Variants in PALM2AKAP2 observed in about 807,000 individuals in gnomAD.
PALM2AKAP2 encodes PALM2 and AKAP2 fusion.
Under a neutral mutation model 71.5 loss-of-function variants are expected in PALM2AKAP2, and 37 were observed. That is an observed-to-expected ratio of 0.52 (90% CI 0.40 to 0.68). The LOEUF (loss-of-function observed/expected upper bound fraction) is 0.68, where lower values mean the gene tolerates loss of function less well. Among genes scored for constraint, PALM2AKAP2 ranks in the 30% least tolerant of loss-of-function variants. PALM2AKAP2 has a pLI of 0.00. For synonymous variants in PALM2AKAP2, 468 were observed against 478.8 expected, an observed-to-expected ratio of 0.98 and a Z score of 0.29; for missense variants, 1,224 against 1,191.8, an observed-to-expected ratio of 1.03 and a Z score of -0.40.
At chr9:109,901,537 CA>C (rs1830330925) in intron 3 of PALM2AKAP2, among the ~76,000 whole-genome samples, 1 of 152,182 alleles carries the variant, frequency 6.6e-6, no homozygotes, top group South Asian at 2.1e-4. Flanking sequence ...GGCCTAACCA[CA>C]GAAGCAGTTC....
intron 3 of PALM2AKAP2, among the ~76,000 whole-genome samples, chr9:110,163,438 T>C (rs1011471289): frequency 6.6e-6 from 1 of 152,240 alleles, no homozygotes; most frequent in African/African-American, 2.4e-5. Context: ...TAAAAGAAAT[T>C]AGTATTGCAA....
At chr9:109,772,416 AAAG>A (rs1293034034) in intron 1 of PALM2AKAP2, among the ~76,000 whole-genome samples, 2 of 152,218 alleles carry the variant, frequency 1.3e-5, no homozygotes, top group Non-Finnish European at 1.5e-5. Context: ...ATGAATGCAG[AAAG>A]AAGAACACAT....
chr9:109,726,871 G>A (rs1384056302), intron 1 of PALM2AKAP2, among the ~76,000 whole-genome samples: 1 of 152,152 alleles, frequency 6.6e-6, no homozygotes, highest in Non-Finnish European at 1.5e-5. Flanking sequence ...CATATTTCAA[G>A]TGTTGAAAAC....
intron 6 of PALM2AKAP2, among the ~76,000 whole-genome samples, chr9:109,974,432 C>T (rs75712928): frequency 6.6e-6 from 1 of 151,916 alleles, no homozygotes; most frequent in African/African-American, 2.4e-5. Context: ...GCCTTACCTA[C>T]ACTCAGAGCC....
At position 109,795,451 on chromosome 9, in the gene PALM2AKAP2, C is replaced by T. The variant is rs538749950; in HGVS notation, c.45+14918C>T. The stretch of plus-strand genomic sequence containing the variant: ...ATTTAACTAACCTGCACGTTGTGCA[C>T]GTGTACCCTAAAACTTAAAGTATAA... On this transcript the variant is annotated intron_variant, in intron 1 of 9. Transcript: ENST00000302798. 4.6e-5 allele frequency among the ~76,000 whole-genome samples: 7 copies of T among 152,282 alleles called. No individual in the cohort carries two copies. In the South Asian group the frequency reaches 6.2e-4, roughly 14 times the overall value.
At chr9:110,036,228 C>G (rs983043710) in intron 7 of PALM2AKAP2, among the ~76,000 whole-genome samples, 1 of 152,188 alleles carries the variant, frequency 6.6e-6, no homozygotes, top group Admixed American at 6.5e-5. Flanking sequence ...AGCCACTGCA[C>G]CAGGCCCTGT....
intron 1 of PALM2AKAP2, among the ~76,000 whole-genome samples, chr9:109,668,975 A>C (rs1390697976): frequency 6.6e-6 from 1 of 152,180 alleles, no homozygotes; most frequent in Non-Finnish European, 1.5e-5. Context: ...TCATTCCTAA[A>C]ATTCTATGGG....
intron 1 of PALM2AKAP2, among the ~76,000 whole-genome samples, chr9:109,844,259 T>C (rs1297890010): frequency 1.3e-5 from 2 of 152,202 alleles, no homozygotes; most frequent in African/African-American, 4.8e-5. Context: ...GTAATTTTAC[T>C]AGAGGAACAT....
chr9:110,049,867 G>A (rs998254422), intron 1 of PALM2AKAP2, among the ~76,000 whole-genome samples: 3 of 152,332 alleles, frequency 2.0e-5, no homozygotes, highest in Admixed American at 2.0e-4. Flanking sequence ...GCGTGCAGCC[G>A]GGCTGCCGAG....
intron 1 of PALM2AKAP2, among the ~76,000 whole-genome samples, chr9:109,758,491 G>A (rs1294949856): frequency 6.6e-6 from 1 of 151,880 alleles, no homozygotes; most frequent in Non-Finnish European, 1.5e-5. Context: ...AGCAAACTTG[G>A]TACATTTTGC....
At chr9:109,999,160 G>A (rs781128460) in intron 6 of PALM2AKAP2, among the ~76,000 whole-genome samples, 4 of 152,010 alleles carry the variant, frequency 2.6e-5, no homozygotes, top group Admixed American at 6.6e-5. Context: ...CCAACAAGGC[G>A]AAATCCCGTC....
At chr9:109,896,365 A>G (rs1830202286) in intron 3 of PALM2AKAP2, among the ~76,000 whole-genome samples, 1 of 151,770 alleles carries the variant, frequency 6.6e-6, no homozygotes, top group East Asian at 1.9e-4. Context: ...ACACAACGAA[A>G]CCATATCAAA....
intron 1 of PALM2AKAP2, among the ~76,000 whole-genome samples, chr9:109,795,421 T>A (rs1466297577): frequency 1.3e-5 from 2 of 152,208 alleles, no homozygotes; most frequent in African/African-American, 4.8e-5. Context: ...CTCACGACAA[T>A]ATTGATTTAA....
chr9:109,890,736 A>G (rs981949589), intron 3 of PALM2AKAP2, among the ~76,000 whole-genome samples: 8 of 152,200 alleles, frequency 5.3e-5, no homozygotes, highest in Non-Finnish European at 2.9e-5. Context: ...TACTTGGAGT[A>G]CATATTCAGT....
At chr9:109,869,689 A>G (rs1183411168) in intron 2 of PALM2AKAP2, among the ~76,000 whole-genome samples, 1 of 54,832 alleles carries the variant, frequency 1.8e-5, no homozygotes. Flanking sequence ...AACAGAAACA[A>G]CAGTAGAAAT....
intron 2 of PALM2AKAP2, among the ~76,000 whole-genome samples, chr9:110,141,195 A>G (rs1057004893): frequency 6.6e-6 from 1 of 152,152 alleles, no homozygotes; most frequent in Non-Finnish European, 1.5e-5. Flanking sequence ...TCAGCATCCT[A>G]AGGCTTGCCA....
At chr9:109,755,168 G>A (rs997650990) in intron 1 of PALM2AKAP2, among the ~76,000 whole-genome samples, 12 of 151,996 alleles carry the variant, frequency 7.9e-5, no homozygotes, top group Admixed American at 6.6e-4. Flanking sequence ...ATACGTAGCA[G>A]CCACAAGTAT....
At chr9:110,099,151 C>T (rs1834931271) in intron 1 of PALM2AKAP2, among the ~76,000 whole-genome samples, 1 of 152,226 alleles carries the variant, frequency 6.6e-6, no homozygotes, top group Non-Finnish European at 1.5e-5. Context: ...TGAGATTTCA[C>T]AGCCATGTCT....
At chr9:110,116,888 C>G (rs996702323) in intron 1 of PALM2AKAP2, among the ~76,000 whole-genome samples, 2 of 152,286 alleles carry the variant, frequency 1.3e-5, no homozygotes, top group South Asian at 4.1e-4. Flanking sequence ...TTCACTGTGG[C>G]TCTATGAAAG....
Sources: allele counts gnomAD v4.1 joint callset (sites outside exome capture counted in the v4.1 genomes callset), GRCh38; gene constraint gnomAD v4.1.1; transcripts MANE v1.5; gene names NCBI Gene and HGNC (gene_info 2026-07-23, HGNC 2026-07-21).